The following GRM8 variants were observed in gnomAD, a reference collection of about 807,000 sequenced individuals.
The protein encoded by GRM8 is glutamate metabotropic receptor 8.
A neutral mutation model predicts 87.2 loss-of-function variants in GRM8; 47 were observed. That is an observed-to-expected ratio of 0.54 (90% CI 0.43 to 0.69). GRM8 has a LOEUF of 0.69. Ranked by LOEUF, GRM8 falls within the 30% of genes least tolerant of loss-of-function variation. GRM8 has a pLI of 0.00. For synonymous variants in GRM8, 396 were observed against 404.5 expected (o/e 0.98, Z 0.25); for missense variants, 1,019 against 1,139.2 (o/e 0.89, Z 1.52).
intron 9 of GRM8, among the ~76,000 whole-genome samples, chr7:126,446,700 A>G (rs1046584375): frequency 1.2e-4 from 18 of 151,998 alleles, no homozygotes; most frequent in African/African-American, 3.4e-4. Context: ...CTAACACTTA[A>G]TGCCACACAG....
intron 7 of GRM8, among the ~76,000 whole-genome samples, chr7:126,739,673 A>G (rs1209824686): frequency 2.6e-5 from 4 of 152,004 alleles, no homozygotes; most frequent in African/African-American, 9.7e-5. Flanking sequence ...CCTTTGTATA[A>G]TTATTTTCAG....
At chr7:127,124,367 T>C (rs995252755) in intron 2 of GRM8, among the ~76,000 whole-genome samples, 1 of 152,180 alleles carries the variant, frequency 6.6e-6, no homozygotes, top group African/African-American at 2.4e-5. Context: ...TCAGCAACTT[T>C]AAAATCTGGA....
chr7:126,580,790 A>G (rs899503552), intron 8 of GRM8, among the ~76,000 whole-genome samples: 5 of 152,148 alleles, frequency 3.3e-5, no homozygotes, highest in South Asian at 2.1e-4. Flanking sequence ...GGAAAATTCA[A>G]TGGAAGCCAA....
At chr7:126,495,918 T>C (rs1338423282) in intron 9 of GRM8, among the ~76,000 whole-genome samples, 1 of 151,972 alleles carries the variant, frequency 6.6e-6, no homozygotes, top group African/African-American at 2.4e-5. Flanking sequence ...ATAAAATTGT[T>C]TGCACAGTAA....
chr7:126,955,459 T>A (rs1315269197), intron 3 of GRM8, among the ~76,000 whole-genome samples: 24 of 152,114 alleles, frequency 1.6e-4, no homozygotes, highest in Admixed American at 1.6e-3. Flanking sequence ...GACTAGGAAG[T>A]TAAATAAATA....
intron 2 of GRM8, among the ~76,000 whole-genome samples, chr7:127,155,991 C>T (rs909816862): frequency 6.6e-6 from 1 of 152,102 alleles, no homozygotes; most frequent in Non-Finnish European, 1.5e-5. Flanking sequence ...GTTTAATAAC[C>T]CCCAGAGCCC....
At chr7:127,055,363 G>C (rs1819879466) in intron 3 of GRM8, among the ~76,000 whole-genome samples, 1 of 152,154 alleles carries the variant, frequency 6.6e-6, no homozygotes, top group Non-Finnish European at 1.5e-5. Flanking sequence ...AAAGGAGATT[G>C]TGACTTGGCA....
At chr7:126,690,576 C>G (rs946705709) in intron 7 of GRM8, among the ~76,000 whole-genome samples, 2 of 152,208 alleles carry the variant, frequency 1.3e-5, no homozygotes, top group Non-Finnish European at 2.9e-5. Flanking sequence ...CGCAGCTCTT[C>G]TCTGCTTCTA....
At chr7:127,112,496 C>T (rs1826432196) in intron 2 of GRM8, among the ~76,000 whole-genome samples, 1 of 152,326 alleles carries the variant, frequency 6.6e-6, no homozygotes, top group South Asian at 2.1e-4. Context: ...AATAAATATT[C>T]ATTGAAAGTA....
intron 6 of GRM8, among the ~76,000 whole-genome samples, chr7:126,829,431 G>A (rs1446012942): frequency 7.6e-6 from 1 of 131,748 alleles, no homozygotes; most frequent in Non-Finnish European, 1.6e-5. Flanking sequence ...TCTTCTTGTT[G>A]AATTGATCCC....
chr7:126,963,430 C>T (rs1053432503), intron 3 of GRM8, among the ~76,000 whole-genome samples: 1 of 152,106 alleles, frequency 6.6e-6, no homozygotes, highest in African/African-American at 2.4e-5. Context: ...AAAACCCCTT[C>T]GTCTCAGCTC....
chr7:126,617,173 C>T (rs1585238278), intron 7 of GRM8, among the ~76,000 whole-genome samples: 1 of 152,152 alleles, frequency 6.6e-6, no homozygotes, highest in South Asian at 2.1e-4. Context: ...AAAAGTTTAT[C>T]CACCATGATC....
At chr7:126,974,433 A>G (rs1810742755) in intron 3 of GRM8, among the ~76,000 whole-genome samples, 2 of 151,348 alleles carry the variant, frequency 1.3e-5, no homozygotes, top group South Asian at 4.2e-4. Flanking sequence ...CATGTATCCC[A>G]TAACATCACG....
At chr7:126,463,282 A>G (rs950132727) in intron 9 of GRM8, among the ~76,000 whole-genome samples, 3 of 151,608 alleles carry the variant, frequency 2.0e-5, no homozygotes, top group Non-Finnish European at 4.4e-5. Flanking sequence ...TGAGTGGGAA[A>G]TAAAATTGTA....
At chr7:126,866,935 G>A (rs958706843) in intron 6 of GRM8, among the ~76,000 whole-genome samples, 1 of 152,060 alleles carries the variant, frequency 6.6e-6, no homozygotes, top group African/African-American at 2.4e-5. Context: ...AATTTTTAAA[G>A]TGGTTATCAC....
At chr7:126,829,347 G>T (rs1586109317) in intron 6 of GRM8, among the ~76,000 whole-genome samples, 1 of 135,286 alleles carries the variant, frequency 7.4e-6, no homozygotes, top group African/African-American at 2.9e-5. Flanking sequence ...AAGTCTCTTT[G>T]TAGGTCACTC....
intron 3 of GRM8, among the ~76,000 whole-genome samples, chr7:127,061,397 A>C (rs1405965814): frequency 1.3e-5 from 2 of 152,220 alleles, no homozygotes; most frequent in East Asian, 3.8e-4. Flanking sequence ...AATTAATCTG[A>C]TAGCTCATCA....
chr7:126,456,883 C>T (rs761846233), intron 9 of GRM8, among the ~76,000 whole-genome samples: 3 of 151,362 alleles, frequency 2.0e-5, no homozygotes, highest in Non-Finnish European at 3.0e-5. Flanking sequence ...GATTACCAGC[C>T]AGGCATGCTA....
chr7:127,026,599 G>T (rs1182323147), intron 3 of GRM8, among the ~76,000 whole-genome samples: 2 of 152,170 alleles, frequency 1.3e-5, no homozygotes, highest in African/African-American at 4.8e-5. Flanking sequence ...CTGATGACCA[G>T]TGATGATGAG....
Sources: gnomAD v4.1 joint callset for allele counts (sites outside exome capture counted in the v4.1 genomes callset) on GRCh38, gnomAD v4.1.1 for gene constraint, MANE v1.5 for transcripts, NCBI Gene and HGNC (gene_info 2026-07-23, HGNC 2026-07-21) for gene names.